EDIL3: variants seen among roughly 807,000 people sequenced by gnomAD.
The protein encoded by EDIL3 is EGF like and discoidin domains 3.
EDIL3 carries 37 observed loss-of-function variants against 67.4 expected under a neutral mutation model. The observed-to-expected ratio is 0.55, with a 90% CI of 0.42 to 0.72. The LOEUF (loss-of-function observed/expected upper bound fraction) is 0.72. Among genes scored for constraint, EDIL3 ranks in the 30% least tolerant of loss-of-function variants. The probability of loss-of-function intolerance (pLI) is 0.00; values close to 1 mark genes in which losing one functional copy is unlikely to be tolerated. For synonymous variants in EDIL3, 195 were observed against 196.3 expected, an observed-to-expected ratio of 0.99 and a Z score of 0.05; for missense variants, 527 against 586.3, an observed-to-expected ratio of 0.90 and a Z score of 1.04.
chr5:84,056,894 A>G (rs1351225369), intron 9 of EDIL3, among the ~76,000 whole-genome samples: 2 of 152,098 alleles, frequency 1.3e-5, no homozygotes, highest in Non-Finnish European at 2.9e-5. Context: ...ACTGAAAAAG[A>G]AAATCACCCC....
intron 2 of EDIL3, among the ~76,000 whole-genome samples, chr5:84,237,394 C>A (rs774472285): frequency 1.1e-4 from 17 of 150,090 alleles, no homozygotes; most frequent in African/African-American, 2.7e-4. Context: ...AGAGTGTTGT[C>A]AAAAAAAAAT....
At chr5:84,323,726 G>T (rs1394365133) in intron 1 of EDIL3, among the ~76,000 whole-genome samples, 1 of 151,836 alleles carries the variant, frequency 6.6e-6, no homozygotes, top group African/African-American at 2.4e-5. Flanking sequence ...CATGAAATAA[G>T]ATAGTCCATG....
At chr5:84,020,737 A>G (rs1034812008) in intron 9 of EDIL3, among the ~76,000 whole-genome samples, 8 of 152,040 alleles carry the variant, frequency 5.3e-5, no homozygotes, top group African/African-American at 1.9e-4. Context: ...TTATAAATAT[A>G]TACATCAATC....
chr5:84,091,106 G>A (rs1241193456), intron 6 of EDIL3, among the ~76,000 whole-genome samples: 1 of 152,166 alleles, frequency 6.6e-6, no homozygotes, highest in East Asian at 1.9e-4. Context: ...TTGTCAAAGA[G>A]AGGATAGTGA....
rs569124156 is a variant in EDIL3, at chr5:84,055,652, A to G, written c.1137+4648T>C. Among the ~76,000 whole-genome samples, 159 of 152,326 alleles carry G rather than the reference A, an allele frequency of 1.0e-3. 1 individual carries two copies. Among genetic ancestry groups the G allele is most frequent in the African/African-American group, 3.7e-3 (152 of 41,552 alleles). On this transcript the variant is annotated intron_variant, in intron 9 of 10. Coordinates refer to ENST00000296591, the MANE Select transcript of EDIL3 (RefSeq NM_005711.5). ...CCCCATCAAAAAGTGGGCAAAGGATATGAATGGACACTTCTCAAAAGAAGA... is the reference window on the plus strand; with the variant it reads ...CCCCATCAAAAAGTGGGCAAAGGATGTGAATGGACACTTCTCAAAAGAAGA...
At chr5:84,367,183 A>G (rs1041163071) in intron 1 of EDIL3, among the ~76,000 whole-genome samples, 12 of 152,210 alleles carry the variant, frequency 7.9e-5, no homozygotes, top group Admixed American at 5.2e-4. Flanking sequence ...AACAAATAGC[A>G]TTTCTTATAC....
chr5:84,035,460 C>T (rs534293115), intron 9 of EDIL3, among the ~76,000 whole-genome samples: 1 of 152,220 alleles, frequency 6.6e-6, no homozygotes, highest in South Asian at 2.1e-4. Context: ...AAATTAGATT[C>T]ATTTAATCCA....
intron 6 of EDIL3, among the ~76,000 whole-genome samples, chr5:84,104,629 T>G (rs1456943791): frequency 6.6e-6 from 1 of 151,970 alleles, no homozygotes; most frequent in Non-Finnish European, 1.5e-5. Flanking sequence ...AAAAGCAAAT[T>G]ATCATCATCC....
chr5:84,089,411 T>C (rs1350254572), intron 6 of EDIL3, among the ~76,000 whole-genome samples: 1 of 152,246 alleles, frequency 6.6e-6, no homozygotes, highest in Non-Finnish European at 1.5e-5. Flanking sequence ...TATTTCATCT[T>C]TTATTTTTAT....
intron 1 of EDIL3, among the ~76,000 whole-genome samples, chr5:84,277,787 C>G (rs1399815856): frequency 6.6e-6 from 1 of 151,902 alleles, no homozygotes; most frequent in African/African-American, 2.4e-5. Flanking sequence ...AAAATCAAAT[C>G]AAAATTGATT....
At chr5:83,985,632 C>T (rs969042727) in intron 9 of EDIL3, among the ~76,000 whole-genome samples, 4 of 151,914 alleles carry the variant, frequency 2.6e-5, no homozygotes, top group Admixed American at 1.3e-4. Flanking sequence ...CACAACTTAC[C>T]TTTGTAAAAT....
At position 84,028,597 on chromosome 5, in the gene EDIL3, T is replaced by C. The variant is rs188239154; in HGVS notation, c.1137+31703A>G. Among the ~76,000 whole-genome samples, 151 of 152,104 alleles carry C rather than the reference T, an allele frequency of 9.9e-4. 1 individual carries two copies. In the East Asian group the frequency reaches 0.01, roughly 11 times the overall value. ...CACACAGACACACACACACGTGACATAATCAATGGATACTTTATTAGAAAA... is the reference window on the plus strand; with the variant it reads ...CACACAGACACACACACACGTGACACAATCAATGGATACTTTATTAGAAAA... On this transcript the variant is annotated intron_variant, in intron 9 of 10. Coordinates refer to ENST00000296591, the MANE Select transcript of EDIL3 (RefSeq NM_005711.5).
intron 9 of EDIL3, among the ~76,000 whole-genome samples, chr5:83,971,192 A>G (rs1368574893): frequency 6.6e-6 from 1 of 151,722 alleles, no homozygotes; most frequent in East Asian, 1.9e-4. Flanking sequence ...TTGGAAAAAT[A>G]TAGCACCTCT....
At chr5:84,366,852 C>G (rs1347552408) in intron 1 of EDIL3, among the ~76,000 whole-genome samples, 1 of 152,196 alleles carries the variant, frequency 6.6e-6, no homozygotes, top group Middle Eastern at 3.2e-3. Context: ...TTCTATCCGT[C>G]TGGCATTTTT....
chr5:84,012,038 T>C (rs1253579006), intron 9 of EDIL3, among the ~76,000 whole-genome samples: 2 of 152,204 alleles, frequency 1.3e-5, no homozygotes, highest in Non-Finnish European at 2.9e-5. Flanking sequence ...TTCCAGTGAC[T>C]AGAATGATTC....
chr5:84,136,001 A>G (rs1195340762), intron 5 of EDIL3, among the ~76,000 whole-genome samples: 2 of 152,068 alleles, frequency 1.3e-5, no homozygotes, highest in Non-Finnish European at 2.9e-5. Flanking sequence ...GCCAAAGAGA[A>G]AGAAAGAAAA....
chr5:83,959,236 C>T (rs139858344), intron 10 of EDIL3, among the ~76,000 whole-genome samples: 2,703 of 145,638 alleles, frequency 0.019, 31 homozygotes, highest in Non-Finnish European at 0.027. Context: ...AATATATATA[C>T]GTATATATAT....
intron 9 of EDIL3, among the ~76,000 whole-genome samples, chr5:83,976,643 A>G (rs1744881397): frequency 6.6e-6 from 1 of 151,786 alleles, no homozygotes; most frequent in African/African-American, 2.4e-5. Flanking sequence ...ATACAAAACC[A>G]TCACCCAACC....
chr5:84,145,240 G>T (rs1389377123), intron 4 of EDIL3, among the ~76,000 whole-genome samples: 1 of 152,072 alleles, frequency 6.6e-6, no homozygotes, highest in Non-Finnish European at 1.5e-5. Context: ...GCTTGCAGGA[G>T]GTAATACATT....
Sources: gnomAD v4.1 joint callset for allele counts (sites outside exome capture counted in the v4.1 genomes callset) on GRCh38, gnomAD v4.1.1 for gene constraint, MANE v1.5 for transcripts, NCBI Gene and HGNC (gene_info 2026-07-23, HGNC 2026-07-21) for gene names.